Variants in GRM3 observed in about 807,000 individuals in gnomAD.
GRM3 encodes the protein glutamate metabotropic receptor 3.
A neutral mutation model predicts 70.5 loss-of-function variants in GRM3; 26 were observed. The ratio of observed to expected loss-of-function variants is 0.37; its 90% confidence interval spans 0.27 to 0.51. GRM3 has a LOEUF of 0.51. Among genes scored for constraint, GRM3 ranks in the 20% least tolerant of loss-of-function variants. The probability of loss-of-function intolerance (pLI) is 0.93; values close to 1 mark genes in which losing one functional copy is unlikely to be tolerated. For missense variants in GRM3, 859 were observed against 1,123.8 expected (o/e 0.76, Z 3.37); for synonymous variants, 443 against 434.9 (o/e 1.02, Z -0.23).
At chr7:86,719,315 T>C (rs1016658776) in intron 1 of GRM3, among the ~76,000 whole-genome samples, 3 of 151,964 alleles carry the variant, frequency 2.0e-5, no homozygotes, top group African/African-American at 4.8e-5. Flanking sequence ...GTTTTTCTAC[T>C]CTCCATTCTC....
chr7:86,707,435 G>A (rs182063595), intron 1 of GRM3, among the ~76,000 whole-genome samples: 3 of 152,190 alleles, frequency 2.0e-5, no homozygotes, highest in Admixed American at 2.0e-4. Context: ...AGTGTGGACT[G>A]TGGTTAAGAA....
In GRM3 at chr7:86,787,017, C is replaced by T. The variant is rs2116550160; in HGVS notation, c.1225C>T (p.Arg409Cys). Reference sequence around the variant, plus strand: ...GGCCCACGCTTTGCACAAAATGCAGCGCACCCTCTGTCCCAACACTACCAA... The same window carrying T: ...GGCCCACGCTTTGCACAAAATGCAGTGCACCCTCTGTCCCAACACTACCAA... ...AMAHALHKMQRTLCPNTTKLC... is the reference protein window; with the variant it reads ...AMAHALHKMQCTLCPNTTKLC... The change falls in exon 3 of 6, where the codon CGC becomes TGC. Residue 409 changes from arginine to cysteine, a missense_variant. Arg to Cys is a radical substitution (Grantham distance 180). Coordinates refer to ENST00000361669, the MANE Select transcript of GRM3 (RefSeq NM_000840.3). 1 of 1,613,458 alleles carries T rather than the reference C, an allele frequency of 6.2e-7. No individual in the cohort carries two copies. Among genetic ancestry groups the T allele is most frequent in the Non-Finnish European group, 8.5e-7 (1 of 1,179,496 alleles).
intron 1 of GRM3, among the ~76,000 whole-genome samples, chr7:86,760,714 T>G (rs1368332520): frequency 1.3e-5 from 2 of 152,102 alleles, no homozygotes; most frequent in African/African-American, 4.8e-5. Context: ...TGATTATGCA[T>G]AGTGCTACAG....
chr7:86,832,984 T>C, intron 3 of GRM3: 6 of 982,044 alleles, frequency 6.1e-6, no homozygotes, highest in Non-Finnish European at 7.3e-6. Context: ...TAAAAAATTC[T>C]TCCATCTTCC....
intron 3 of GRM3, among the ~76,000 whole-genome samples, chr7:86,790,867 A>C (rs1485121604): frequency 1.3e-5 from 2 of 151,842 alleles, no homozygotes; most frequent in Non-Finnish European, 2.9e-5. Context: ...CATTACCCCC[A>C]ACCCCCACTA....
At chr7:86,763,286 G>A (rs1479431428) in intron 1 of GRM3, among the ~76,000 whole-genome samples, 1 of 152,090 alleles carries the variant, frequency 6.6e-6, no homozygotes, top group Non-Finnish European at 1.5e-5. Context: ...AACACACAAG[G>A]GCATGTGGCT....
rs186380115 is a variant in GRM3, at chr7:86,835,737, A to G, written c.1325-3102A>G. ...GTGATCCTCCCACCTCAGCCTCCTG[A>G]GTAGCTGGGAACACAGGCATGTGCC... On this transcript the variant is annotated intron_variant, in intron 3 of 5. Transcript: ENST00000361669. Among the ~76,000 whole-genome samples, 33 of 152,158 alleles carry G rather than the reference A, an allele frequency of 2.2e-4. 1 individual carries two copies. The East Asian group carries it at 6.4e-3, about 29-fold the overall frequency.
chr7:86,658,159 C>T (rs1793795024), intron 1 of GRM3, among the ~76,000 whole-genome samples: 2 of 152,226 alleles, frequency 1.3e-5, no homozygotes, highest in Non-Finnish European at 2.9e-5. Flanking sequence ...TACTGGCTTC[C>T]TTGACCTTCG....
intron 1 of GRM3, among the ~76,000 whole-genome samples, chr7:86,718,974 T>G (rs1046132974): frequency 6.6e-6 from 1 of 151,988 alleles, no homozygotes; most frequent in East Asian, 1.9e-4. Context: ...AAAACATTTC[T>G]GAATTCATTT....
At position 86,682,706 on chromosome 7, in the gene GRM3, T is replaced by C. The variant is rs540481992; in HGVS notation, c.-141+37834T>C. Among the ~76,000 whole-genome samples the C allele has an allele frequency of 1.2e-4, 19 of 152,296 alleles. No individual in the cohort carries two copies. The South Asian group carries it at 3.5e-3, about 28-fold the overall frequency. On this transcript the variant is annotated intron_variant, in intron 1 of 5. Transcript: ENST00000361669. ...TCTCAGCCTTATTTTTAGTTACTTT[T>C]CAAGCATTTTTTTAATCCAATCATT...
intron 3 of GRM3, among the ~76,000 whole-genome samples, chr7:86,817,749 GC>G (rs1404858920): frequency 6.6e-6 from 1 of 151,868 alleles, no homozygotes; most frequent in African/African-American, 2.4e-5. Flanking sequence ...ATACCTTCTA[GC>G]CTACATTAAA....
intron 1 of GRM3, among the ~76,000 whole-genome samples, chr7:86,762,334 C>T (rs1796499161): frequency 1.3e-5 from 2 of 152,230 alleles, no homozygotes; most frequent in African/African-American, 2.4e-5. Context: ...CTGAGATTCA[C>T]ACCTAAACAA....
At chr7:86,735,289 C>T (rs1304631434) in intron 1 of GRM3, among the ~76,000 whole-genome samples, 3 of 152,120 alleles carry the variant, frequency 2.0e-5, no homozygotes, top group African/African-American at 7.2e-5. Flanking sequence ...AATAAATGCT[C>T]TATGCAAAAC....
chr7:86,719,922 A>G, intron 1 of GRM3, among the ~76,000 whole-genome samples: 1 of 152,070 alleles, frequency 6.6e-6, no homozygotes, highest in East Asian at 1.9e-4. Flanking sequence ...ACAAAACTCA[A>G]TAAAGAATAT....
intron 3 of GRM3, among the ~76,000 whole-genome samples, chr7:86,821,805 T>C (rs946157341): frequency 1.3e-5 from 2 of 152,152 alleles, no homozygotes; most frequent in African/African-American, 4.8e-5. Context: ...TCACCACGCT[T>C]CCTTAATTTT....
intron 1 of GRM3, among the ~76,000 whole-genome samples, chr7:86,737,137 G>A (rs941673519): frequency 1.3e-5 from 2 of 152,114 alleles, no homozygotes; most frequent in African/African-American, 4.8e-5. Flanking sequence ...ACAGAAATAA[G>A]CAAAACCTTG....
intron 1 of GRM3, among the ~76,000 whole-genome samples, chr7:86,696,462 A>G (rs1794819521): frequency 6.6e-6 from 1 of 152,168 alleles, no homozygotes; most frequent in African/African-American, 2.4e-5. Context: ...TCCAAAAAAG[A>G]GGATAGCCCT....
Position 86,691,273 on chromosome 7 carries a change from G to T in GRM3, c.-141+46401G>T, listed in dbSNP as rs564602034. On this transcript the variant is annotated intron_variant, in intron 1 of 5. Coordinates refer to ENST00000361669, the MANE Select transcript of GRM3 (RefSeq NM_000840.3). ...GATCTCTTTACCATCCTCCTCATTTGTCTTCCGGTTTCTACCTTGGCAAAT... is the reference window on the plus strand; with the variant it reads ...GATCTCTTTACCATCCTCCTCATTTTTCTTCCGGTTTCTACCTTGGCAAAT... Among the ~76,000 whole-genome samples the T allele has an allele frequency of 9.9e-5, 15 of 152,130 alleles. No homozygotes were observed. In the East Asian group the frequency reaches 2.9e-3, roughly 29 times the overall value.
chr7:86,827,350 T>C (rs1798254460), intron 3 of GRM3, among the ~76,000 whole-genome samples: 1 of 152,148 alleles, frequency 6.6e-6, no homozygotes, highest in African/African-American at 2.4e-5. Flanking sequence ...ATTAAGAATT[T>C]AGGGGCATTA....
Sources: allele counts gnomAD v4.1 joint callset (sites outside exome capture counted in the v4.1 genomes callset), GRCh38; gene constraint gnomAD v4.1.1; transcripts MANE v1.5; gene names NCBI Gene and HGNC (gene_info 2026-07-23, HGNC 2026-07-21).